Variants in ATP2A3 observed in about 807,000 individuals in gnomAD.
ATP2A3 encodes ATPase sarcoplasmic/endoplasmic reticulum Ca2+ transporting 3, also known as sarcoplasmic/endoplasmic reticulum calcium ATPase 3.
Under a neutral mutation model 106.8 loss-of-function variants are expected in ATP2A3, and 61 were observed. The ratio of observed to expected loss-of-function variants is 0.57; its 90% CI spans 0.46 to 0.71. The LOEUF (loss-of-function observed/expected upper bound fraction) is 0.71, where lower values mean the gene tolerates loss of function less well. Among genes scored for constraint, ATP2A3 ranks in the 30% least tolerant of loss-of-function variants. The pLI, the probability that ATP2A3 is intolerant of heterozygous loss-of-function variation, is 0.00. For synonymous variants in ATP2A3, 611 were observed against 609.3 expected, an observed-to-expected ratio of 1.00 and a Z score of -0.04; for missense variants, 1,201 against 1,423.5, an observed-to-expected ratio of 0.84 and a Z score of 2.52.
chr17:3,964,129 G>A (rs1192417470), intron 1 of ATP2A3, 45 bp downstream of exon 1: 3 of 1,028,418 alleles, frequency 2.9e-6, no homozygotes. Flanking sequence ...AGACTGCGGC[G>A]CGCGCGGCCC....
In ATP2A3 at chr17:3,925,775, C is replaced by G. The variant is rs1339152912; in HGVS notation, c.2981-334G>C. 6.6e-6 allele frequency among the ~76,000 whole-genome samples: 1 copy of G among 152,102 alleles called. No individual in the cohort carries two copies. The highest frequency in any genetic ancestry group is 1.5e-5 in the Non-Finnish European group (1 of 68,028). ...CCAGGCTCATCCTTGCTTCTCTTGC[C>G]CATCACACACACCCAGGCCTGATTT... On this transcript the variant is annotated intron_variant, in intron 20 of 20. Coordinates refer to ENST00000397041, the MANE Select transcript of ATP2A3 (RefSeq NM_005173.4). The surrounding 1 kb of genome is among the most constrained non-coding windows in gnomAD (Gnocchi z 4.2).
rs867433506 is a variant in ATP2A3, at chr17:3,942,861, A to C, written c.1420-130T>G. 2.1e-5 allele frequency: 29 copies of C among 1,372,640 alleles called. No individual in the cohort carries two copies. In the African/African-American group the frequency reaches 2.4e-4, roughly 12 times the overall value. The allele number at this position is 1,372,640 out of a possible 1,614,324, so 85.0% of individuals were successfully genotyped here. On this transcript the variant is annotated intron_variant, in intron 11 of 20. Transcript: ENST00000397041. ...ATGACATCTACACTCCTCTGACCCC[A>C]CCATTCAAGGCCTCCATTTCCCTCT...
At chr17:3,934,331 C>T (rs530573904) in intron 17 of ATP2A3, among the ~76,000 whole-genome samples, 1 of 152,060 alleles carries the variant, frequency 6.6e-6, no homozygotes, top group Non-Finnish European at 1.5e-5. Flanking sequence ...TCAACTGATC[C>T]TCCCACCTCA....
chr17:3,961,992 G>A (rs929554260), intron 1 of ATP2A3, among the ~76,000 whole-genome samples: 2 of 152,184 alleles, frequency 1.3e-5, no homozygotes, highest in African/African-American at 4.8e-5. Context: ...CAAGCCTGAG[G>A]CAGGAAGGAA....
chr17:3,944,884 G>T (rs187201878), intron 9 of ATP2A3, 78 bp from the exon 10 acceptor site: 1 of 880,748 alleles, frequency 1.1e-6, no homozygotes, highest in Admixed American at 3.5e-5. Context: ...CCGCCCCTAG[G>T]AGGGGGCTCC....
rs1337406210 is a variant in ATP2A3, at chr17:3,955,985, G to A, written c.119-2275C>T. ...CAACCTCCGCCTCCCAGGTTCAAGC[G>A]ATTCTCCTGCCTCAGCCTCCCGGGT... On this transcript the variant is annotated intron_variant, in intron 1 of 20. Transcript: ENST00000397041. This position sits in a 1 kb window ranked among gnomAD's most constrained non-coding sequence, Gnocchi z 4.2. 4.0e-5 allele frequency among the ~76,000 whole-genome samples: 6 copies of A among 151,858 alleles called. No individual in the cohort carries two copies. Among genetic ancestry groups the A allele is most frequent in the African/African-American group, 1.5e-4 (6 of 41,324 alleles).
At position 3,930,329 on chromosome 17, in the gene ATP2A3, T is replaced by C; in HGVS notation, c.2716A>G (p.Thr906Ala). Reference protein sequence around the residue: ...PTTMALSVLVTIEMCNALNSV... With the variant: ...PTTMALSVLVAIEMCNALNSV... ...TTGAGGGCATTGCACATTTCAATGG[T>C]CACGAGCACGGACAAGGCCATGGTG... The change falls in exon 18 of 21, where the codon ACC becomes GCC. Residue 906 changes from threonine (T) to alanine (A), a missense_variant. Physicochemically the swap from Thr to Ala is moderately conservative, Grantham distance 58. Transcript: ENST00000397041. The surrounding 1 kb of genome is among the most constrained non-coding windows in gnomAD (Gnocchi z 5.4). 1 of 1,607,882 alleles carries C rather than the reference T, an allele frequency of 6.2e-7. No homozygotes were observed. Among genetic ancestry groups the C allele is most frequent in the South Asian group, 1.1e-5 (1 of 89,928 alleles).
At position 3,924,528 on chromosome 17, in the gene ATP2A3, A is replaced by G; in HGVS notation, c.*894T>C. On this transcript the variant is annotated 3_prime_UTR_variant, in exon 21 of 21. Transcript: ENST00000397041. This position sits in a 1 kb window ranked among gnomAD's most constrained non-coding sequence, Gnocchi z 6.4. ...GCGGCGGCCGCACACTGGGCTGGGT[A>G]GAAGGGCGCCACGGTCAGGAACCTG... 4 of 342,490 alleles carry G rather than the reference A, an allele frequency of 1.2e-5. No individual in the cohort carries two copies. Among genetic ancestry groups the G allele is most frequent in the Non-Finnish European group, 1.7e-5 (3 of 172,328 alleles). 21.2% of individuals were successfully genotyped at this position (342,490 alleles called of 1,614,324 possible). A position where few individuals can be genotyped will look rare whatever the true frequency, so the allele number is the denominator to read the frequency against.
Position 3,947,335 on chromosome 17 carries a change from G to C in ATP2A3, c.1095+56C>G. On this transcript the variant is annotated intron_variant, in intron 8 of 20. Coordinates refer to ENST00000397041, the MANE Select transcript of ATP2A3 (RefSeq NM_005173.4). The surrounding 1 kb of genome is among the most constrained non-coding windows in gnomAD (Gnocchi z 7.7). ...AAAGGAGGTGGGGGAGAGACCCAGAGAGGGAGCCCAGCCTGCTCTGCAACG... is the reference window on the plus strand; with the variant it reads ...AAAGGAGGTGGGGGAGAGACCCAGACAGGGAGCCCAGCCTGCTCTGCAACG... 1 of 1,601,140 alleles carries C rather than the reference G, an allele frequency of 6.2e-7. No homozygotes were observed. The highest frequency in any genetic ancestry group is 8.5e-7 in the Non-Finnish European group (1 of 1,170,266).
chr17:3,947,875 G>A lies in ATP2A3; in HGVS notation c.631-20C>T. The A allele has an allele frequency of 6.3e-7, 1 of 1,597,828 alleles. No homozygotes were observed. The highest frequency in any genetic ancestry group is 8.5e-7 in the Non-Finnish European group (1 of 1,179,558). ...GGTGCCCTGGCCAGGGGAGGGACAA[G>A]GAAAAAGCTGCTCAGCAGCCAACCA... On this transcript the variant is annotated intron_variant, in intron 7 of 20. Coordinates refer to ENST00000397041, the MANE Select transcript of ATP2A3 (RefSeq NM_005173.4). This position sits in a 1 kb window ranked among gnomAD's most constrained non-coding sequence, Gnocchi z 7.7.
At position 3,926,479 on chromosome 17, in the gene ATP2A3, AGGAGGT is replaced by A. The variant is rs1209983063; in HGVS notation, c.2981-1044_2981-1039del. Among the ~76,000 whole-genome samples, 1 of 152,010 alleles carries A rather than the reference AGGAGGT, an allele frequency of 6.6e-6. No homozygotes were observed. Among genetic ancestry groups the A allele is most frequent in the Non-Finnish European group, 1.5e-5 (1 of 67,996 alleles). On this transcript the variant is annotated intron_variant, in intron 20 of 20. Transcript: ENST00000397041. The surrounding 1 kb of genome is among the most constrained non-coding windows in gnomAD (Gnocchi z 4.6). ...CACAGGGACCACCGTCAACATCTCA[AGGAGGT>A]GGAGGTGGAGGTGCTTTCTGGGGCC...
At chr17:3,933,428 G>A (rs1389330874) in intron 17 of ATP2A3, among the ~76,000 whole-genome samples, 1 of 150,596 alleles carries the variant, frequency 6.6e-6, no homozygotes, top group African/African-American at 2.5e-5. Flanking sequence ...TGTGGCCTCT[G>A]GAATTATTCA....
intron 12 of ATP2A3, 107 bp from the exon 13 acceptor site, chr17:3,941,761 C>A: frequency 8.7e-7 from 1 of 1,151,284 alleles, no homozygotes; most frequent in Non-Finnish European, 1.3e-6. Flanking sequence ...AAAGGCCACC[C>A]AAGGGTACAC....
At position 3,936,390 on chromosome 17, in the gene ATP2A3, C is replaced by T. The variant is rs942949592; in HGVS notation, c.2401G>A (p.Gly801Ser). The change falls in exon 16 of 21, where the codon GGC becomes AGC. Residue 801 changes from glycine (G) to serine (S), a missense_variant. Coordinates refer to ENST00000397041, the MANE Select transcript of ATP2A3 (RefSeq NM_005173.4). The surrounding 1 kb of genome is among the most constrained non-coding windows in gnomAD (Gnocchi z 5.4). ...AAGCCCAGAGCCGTGGCAGGTAGGC[C>T]GTCTGTCACCAGGTTCACCCAGAGC... ...QLLWVNLVTD[G>S]LPATALGFNP... 31 of 1,613,966 alleles carry T rather than the reference C, an allele frequency of 1.9e-5. No homozygotes were observed. Among genetic ancestry groups the T allele is most frequent in the Non-Finnish European group, 2.5e-5 (30 of 1,180,026 alleles).
chr17:3,951,206 A>C (rs1265275134), intron 5 of ATP2A3, 45 bp downstream of exon 5: 1 of 1,244,582 alleles, frequency 8.0e-7, no homozygotes, highest in East Asian at 3.3e-5. Context: ...AAAATAAATA[A>C]ATAAATAAAA....
At chr17:3,927,986 C>T (rs762752332) in intron 20 of ATP2A3, 2 of 1,614,046 alleles carry the variant, frequency 1.2e-6, no homozygotes, top group South Asian at 2.2e-5. Context: ...CTCACCCCTG[C>T]TTCCTCCCTC....
At chr17:3,940,755 G>T (rs923727312) in intron 14 of ATP2A3, among the ~76,000 whole-genome samples, 1 of 152,262 alleles carries the variant, frequency 6.6e-6, no homozygotes, top group African/African-American at 2.4e-5. Context: ...TGATCCGCCC[G>T]CCTCAGCCTC....
intron 14 of ATP2A3, among the ~76,000 whole-genome samples, chr17:3,938,507 A>C (rs2053570283): frequency 6.6e-6 from 1 of 152,032 alleles, no homozygotes; most frequent in African/African-American, 2.4e-5. Context: ...TGTCAAGGTC[A>C]ACGTTGAGAA....
rs1328418826 is a variant in ATP2A3, at chr17:3,947,985, C to T, written c.631-130G>A. ...TTTCCTTTTCTCCATGTTGCTAGTG[C>T]TTCCAGACTCCTGTAGCTATGTATG... On this transcript the variant is annotated intron_variant, in intron 7 of 20. Coordinates refer to ENST00000397041, the MANE Select transcript of ATP2A3 (RefSeq NM_005173.4). The surrounding 1 kb of genome is among the most constrained non-coding windows in gnomAD (Gnocchi z 7.7). The T allele has an allele frequency of 4.6e-6, 4 of 878,120 alleles. No individual in the cohort carries two copies. Among genetic ancestry groups the T allele is most frequent in the Non-Finnish European group, 7.1e-6 (4 of 564,008 alleles). The allele number at this position is 878,120 out of a possible 1,614,324, so 54.4% of individuals were successfully genotyped here.
Sources: gnomAD v4.1 joint callset for allele counts (sites outside exome capture counted in the v4.1 genomes callset) on GRCh38, gnomAD v4.1.1 for gene constraint, Gnocchi (gnomAD v3.1) non-coding constraint, MANE v1.5 for transcripts, NCBI Gene and HGNC (gene_info 2026-07-23, HGNC 2026-07-21) for gene names.